SEC24A: variants seen among roughly 807,000 people sequenced by gnomAD.
The protein encoded by SEC24A is protein transport protein Sec24A.
A neutral mutation model predicts 129.4 loss-of-function variants in SEC24A; 93 were observed. The observed-to-expected ratio is 0.72, with a 90% CI of 0.61 to 0.85. The LOEUF is 0.85. Ranked by LOEUF, SEC24A falls within the 40% of genes least tolerant of loss-of-function variation. SEC24A has a pLI of 0.00. For missense variants in SEC24A, 1,264 were observed against 1,307.4 expected (o/e 0.97, Z 0.51); for synonymous variants, 460 against 467.3 (o/e 0.98, Z 0.20).
intron 2 of SEC24A, among the ~76,000 whole-genome samples, chr5:134,665,856 A>C (rs1750642377): frequency 6.6e-6 from 1 of 152,240 alleles, no homozygotes; most frequent in Admixed American, 6.5e-5. Context: ...GTTGATGTTA[A>C]TGGAACAGAC....
intron 17 of SEC24A, among the ~76,000 whole-genome samples, chr5:134,706,833 G>A (rs971224502): frequency 3.3e-5 from 5 of 152,126 alleles, no homozygotes; most frequent in African/African-American, 1.2e-4. Flanking sequence ...TGGGACTACA[G>A]GCGCACGACA....
chr5:134,683,235 G>A (rs1394706345), intron 9 of SEC24A, among the ~76,000 whole-genome samples: 1 of 151,490 alleles, frequency 6.6e-6, no homozygotes, highest in South Asian at 2.1e-4. Context: ...TGGTCAGGCT[G>A]GTCTCAAACT....
At chr5:134,653,234 C>T (rs538766905) in intron 1 of SEC24A, among the ~76,000 whole-genome samples, 7 of 151,926 alleles carry the variant, frequency 4.6e-5, no homozygotes, top group African/African-American at 1.7e-4. Flanking sequence ...CCACCATACC[C>T]GTTCCAGTTT....
chr5:134,676,071 G>T lies in SEC24A; in HGVS notation c.1200G>T (p.Leu400Phe). The T allele has an allele frequency of 6.2e-7, 1 of 1,613,280 alleles. No homozygotes were observed. The highest frequency in any genetic ancestry group is 8.5e-7 in the Non-Finnish European group (1 of 1,179,628). ...LTSIPQTQAL[L>F]NKAKLPLGLL... ...GCATTCCTCAGACGCAGGCCTTATT[G>T]AATAAAGCCAAACTTCCTTTGGGGC... Residue 400 changes from leucine (L) to phenylalanine (F), a missense_variant, in exon 7 of 23, where the codon TTG becomes TTT. Physicochemically the swap from Leu to Phe is conservative, Grantham distance 22. Coordinates refer to ENST00000398844, the MANE Select transcript of SEC24A (RefSeq NM_021982.3).
intron 15 of SEC24A, among the ~76,000 whole-genome samples, chr5:134,700,863 C>T (rs553149620): frequency 7.2e-5 from 11 of 152,130 alleles, no homozygotes; most frequent in South Asian, 4.1e-4. Context: ...GAACTACAGG[C>T]GCCTGCTACC....
At chr5:134,652,698 C>G (rs369803646) in intron 1 of SEC24A, among the ~76,000 whole-genome samples, 1 of 152,150 alleles carries the variant, frequency 6.6e-6, no homozygotes. Flanking sequence ...AGCGATTCTC[C>G]TGCCTCAGCT....
At chr5:134,704,005 T>TA in intron 16 of SEC24A, 73 bp downstream of exon 16, 1 of 955,602 alleles carries the variant, frequency 1.0e-6, no homozygotes, top group Non-Finnish European at 1.6e-6. Flanking sequence ...AAATGGGCTA[T>TA]AAAATACATG....
intron 9 of SEC24A, among the ~76,000 whole-genome samples, chr5:134,684,719 C>A (rs58855544): frequency 0.04 from 6,117 of 151,286 alleles, 188 homozygotes; most frequent in African/African-American, 0.093. Flanking sequence ...TCTCAAAAAA[C>A]AAAAAAGAAA....
intron 9 of SEC24A, among the ~76,000 whole-genome samples, chr5:134,683,704 A>G (rs1751352716): frequency 6.6e-6 from 1 of 152,162 alleles, no homozygotes; most frequent in Non-Finnish European, 1.5e-5. Context: ...TTTTAGAGAC[A>G]GAGTCTCACT....
chr5:134,696,792 C>A (rs1436878813), intron 13 of SEC24A, among the ~76,000 whole-genome samples: 1 of 151,682 alleles, frequency 6.6e-6, no homozygotes, highest in Non-Finnish European at 1.5e-5. Context: ...GCCACCGCAC[C>A]CGGCCATTTT....
At chr5:134,689,081 G>T (rs1751547089) in intron 11 of SEC24A, among the ~76,000 whole-genome samples, 1 of 152,146 alleles carries the variant, frequency 6.6e-6, no homozygotes, top group South Asian at 2.1e-4. Context: ...AAGAGAATGA[G>T]GTTGGACCTT....
rs1250591611 is a variant in SEC24A, at chr5:134,679,604, A to G, written c.1257A>G (p.Gln419=). ...LLLHPFKDLV[Q]LPVVTSSTIV... ...TAATTCTGTTTTTTTTTTTCCAGCA[A>G]TTGCCTGTGGTTACCTCCAGTACAA... is the stretch of plus-strand genomic sequence containing the variant. Residue 419 remains glutamine, a splice_region_variant and synonymous_variant, in exon 8 of 23, where the codon CAA becomes CAG. Transcript: ENST00000398844. The G allele has an allele frequency of 6.5e-7, 1 of 1,546,534 alleles. No individual in the cohort carries two copies. Among genetic ancestry groups the G allele is most frequent in the Admixed American group, 1.9e-5 (1 of 51,468 alleles).
intron 1 of SEC24A, among the ~76,000 whole-genome samples, chr5:134,654,102 T>C (rs1750156508): frequency 6.6e-6 from 1 of 151,658 alleles, no homozygotes; most frequent in African/African-American, 2.4e-5. Flanking sequence ...AAGGCTGCAA[T>C]GAGCCATGAT....
chr5:134,710,343 C>G (rs1278828803), intron 18 of SEC24A, among the ~76,000 whole-genome samples: 1 of 151,308 alleles, frequency 6.6e-6, no homozygotes, highest in Non-Finnish European at 1.5e-5. Context: ...GCAATTCTCT[C>G]GCCTCAGCCT....
intron 14 of SEC24A, among the ~76,000 whole-genome samples, 168 bp from the exon 15 acceptor site, chr5:134,697,731 C>G (rs1031095576): frequency 6.6e-6 from 1 of 152,086 alleles, no homozygotes; most frequent in Non-Finnish European, 1.5e-5. Flanking sequence ...GCACTCCAGC[C>G]TGGGTGACAG....
At chr5:134,693,433 A>G in intron 12 of SEC24A, 1 of 1,362,346 alleles carries the variant, frequency 7.3e-7, no homozygotes. Flanking sequence ...GCATTAAAAT[A>G]CATCAAATCT....
chr5:134,666,644 T>C (rs1026981219), intron 2 of SEC24A, among the ~76,000 whole-genome samples, 179 bp from the exon 3 acceptor site: 5 of 151,920 alleles, frequency 3.3e-5, no homozygotes, highest in African/African-American at 1.2e-4. Context: ...GAGAGAAATT[T>C]GTAAAATATG....
rs999547694 is a variant in SEC24A, at chr5:134,726,344, G to A, written c.*1250G>A. On this transcript the variant is annotated 3_prime_UTR_variant, in exon 23 of 23. Coordinates refer to ENST00000398844, the MANE Select transcript of SEC24A (RefSeq NM_021982.3). ...GGCTCAGTTTTCACAGATTCATTTT[G>A]TCTTAAGAATTTCTTAAATATGTTC... The A allele has an allele frequency of 2.8e-4, 42 of 152,468 alleles. No individual in the cohort carries two copies. The highest frequency in any genetic ancestry group is 7.2e-4 in the Admixed American group (11 of 15,270). The allele number at this position is 152,468 out of a possible 1,614,324, so 9.4% of individuals were successfully genotyped here. A position where few individuals can be genotyped will look rare whatever the true frequency, so the allele number is the denominator to read the frequency against.
At chr5:134,692,339 A>C (rs1457247021) in intron 11 of SEC24A, among the ~76,000 whole-genome samples, 1 of 152,078 alleles carries the variant, frequency 6.6e-6, no homozygotes. Flanking sequence ...GTACTACTGC[A>C]CCTGGCCCAG....
Sources: gnomAD v4.1 joint callset for allele counts (sites outside exome capture counted in the v4.1 genomes callset) on GRCh38, gnomAD v4.1.1 for gene constraint, MANE v1.5 for transcripts, NCBI Gene and HGNC (gene_info 2026-07-23, HGNC 2026-07-21) for gene names.